PROX1: variants seen among roughly 807,000 people sequenced by gnomAD.
PROX1 encodes prospero homeobox protein 1.
A neutral mutation model predicts 58.8 loss-of-function variants in PROX1; 7 were observed. That is an observed-to-expected ratio of 0.12 (90% CI 0.07 to 0.22). The LOEUF is 0.22. Ranked by LOEUF, PROX1 falls within the 10% of genes least tolerant of loss-of-function variation. The pLI, the probability that PROX1 is intolerant of heterozygous loss-of-function variation, is 1.00. For synonymous variants in PROX1, 350 were observed against 358.3 expected (o/e 0.98, Z 0.26); for missense variants, 675 against 927.8 (o/e 0.73, Z 3.54).
chr1:213,994,728 G>A (rs931711548), intron 1 of PROX1, among the ~76,000 whole-genome samples: 5 of 123,106 alleles, frequency 4.1e-5, no homozygotes, highest in African/African-American at 9.1e-5. Context: ...CATGCAAAAA[G>A]TATTTCATTC....
At chr1:214,029,773 C>T (rs1241333427) in intron 4 of PROX1, 2 of 151,534 alleles carry the variant, frequency 1.3e-5, no homozygotes, top group Admixed American at 6.6e-5. Flanking sequence ...GGGGCTAGAT[C>T]GAGGGGTTTT....
At chr1:214,011,791 C>G (rs921460242) in intron 4 of PROX1, 76 bp downstream of exon 4, 2 of 1,294,840 alleles carry the variant, frequency 1.5e-6, no homozygotes, top group African/African-American at 3.0e-5. Context: ...GAAATGTACC[C>G]AAATCTGTTT....
chr1:213,983,502 C>T (rs1571785509), upstream of PROX1, among the ~76,000 whole-genome samples: 1 of 152,222 alleles, frequency 6.6e-6, no homozygotes, highest in South Asian at 2.1e-4. Flanking sequence ...CCCACTGCGC[C>T]CCCGCGTGCA....
intron 4 of PROX1, among the ~76,000 whole-genome samples, chr1:214,014,268 T>TAA: frequency 6.6e-6 from 1 of 152,364 alleles, no homozygotes; most frequent in East Asian, 1.9e-4. Flanking sequence ...CTTTTGTATT[T>TAA]AAGTTTCTCC....
At chr1:214,033,369 G>A (rs375779699) in intron 4 of PROX1, among the ~76,000 whole-genome samples, 29 of 152,258 alleles carry the variant, frequency 1.9e-4, no homozygotes, top group East Asian at 1.7e-3. Flanking sequence ...AGGCCAAGAC[G>A]GGCAGATCAC....
chr1:214,029,617 C>T (rs1664576321), intron 4 of PROX1: 1 of 152,180 alleles, frequency 6.6e-6, no homozygotes, highest in Non-Finnish European at 1.5e-5. Flanking sequence ...TTCAGAGCTG[C>T]TTCAGCATTA....
chr1:214,032,736 G>A (rs750681577), intron 4 of PROX1, among the ~76,000 whole-genome samples: 20 of 152,194 alleles, frequency 1.3e-4, no homozygotes, highest in Non-Finnish European at 2.6e-4. Context: ...AAGATACTCT[G>A]CTGAGGCTCC....
chr1:213,990,447 G>A (rs535766856), intron 1 of PROX1, among the ~76,000 whole-genome samples: 39 of 138,788 alleles, frequency 2.8e-4, no homozygotes, highest in Middle Eastern at 3.4e-3. Flanking sequence ...GGGGGTGGGG[G>A]CAAGTTGGTA....
chr1:213,983,937 C>G (rs116613999), upstream of PROX1: 5,475 of 152,406 alleles, frequency 0.036, 157 homozygotes, highest in Non-Finnish European at 0.046. Context: ...GCGGCCTGGC[C>G]GGTTCCTCGC....
chr1:214,014,149 C>T (rs1335934296), intron 4 of PROX1, among the ~76,000 whole-genome samples: 1 of 152,160 alleles, frequency 6.6e-6, no homozygotes, highest in Non-Finnish European at 1.5e-5. Context: ...CTTAAAAAGC[C>T]ACCGTTCTTA....
At chr1:214,031,261 G>A (rs753250419) in intron 4 of PROX1, among the ~76,000 whole-genome samples, 9 of 152,128 alleles carry the variant, frequency 5.9e-5, no homozygotes, top group Non-Finnish European at 1.2e-4. Flanking sequence ...ATATCTTCAA[G>A]TACCTCATTA....
intron 3 of PROX1, 127 bp from the exon 4 acceptor site, chr1:214,011,394 G>A (rs1663904646): frequency 3.8e-6 from 3 of 783,658 alleles, no homozygotes. Context: ...CACCATTTTG[G>A]TGGAGTTAAA....
Position 214,005,290 on chromosome 1 carries a change from T to C in PROX1, c.1833+18T>C, listed in dbSNP as rs530160376. 1.1e-5 allele frequency: 17 copies of C among 1,571,032 alleles called. No homozygotes were observed. The South Asian group carries it at 1.5e-4, about 14-fold the overall frequency. On this transcript the variant is annotated intron_variant, in intron 3 of 4. Transcript: ENST00000366958. Reference sequence around the variant, plus strand: ...ACGTAAAGGTAGGGACTTTTTTTATTCTTAATTTTTTCATTTTCTATGCAT... The same window carrying C: ...ACGTAAAGGTAGGGACTTTTTTTATCCTTAATTTTTTCATTTTCTATGCAT...
At position 213,997,384 on chromosome 1, in the gene PROX1, C is replaced by G. The variant is rs921662667; in HGVS notation, c.849C>G (p.Ile283Met). The G allele has an allele frequency of 3.1e-6, 5 of 1,613,950 alleles. No homozygotes were observed. The highest frequency in any genetic ancestry group is 3.4e-6 in the Non-Finnish European group (4 of 1,180,002). The change falls in exon 2 of 5, where the codon ATC becomes ATG. Residue 283 changes from isoleucine to methionine, a missense_variant. This residue lies in a region of PROX1 where 403 missense variants were observed against 477.4 expected (regional missense o/e 0.84). Transcript: ENST00000366958. The surrounding 1 kb of genome is among the most constrained non-coding windows in gnomAD (Gnocchi z 7.1). Reference sequence around the variant, plus strand: ...CTGAAGACAGCATGCGCTCGGAGATCCTGGATGCCAGGGCCCAGGACTCTG... The same window carrying G: ...CTGAAGACAGCATGCGCTCGGAGATGCTGGATGCCAGGGCCCAGGACTCTG... ...NLSEDSMRSEILDARAQDSVG... is the reference protein window; with the variant it reads ...NLSEDSMRSEMLDARAQDSVG...
chr1:213,999,270 G>A (rs887743750), intron 2 of PROX1, among the ~76,000 whole-genome samples: 2 of 151,940 alleles, frequency 1.3e-5, no homozygotes, highest in African/African-American at 2.4e-5. Context: ...TCTTGTGGTC[G>A]TTGGTCTTTT....
chr1:214,008,205 C>A (rs1663784623), intron 3 of PROX1, among the ~76,000 whole-genome samples: 1 of 152,082 alleles, frequency 6.6e-6, no homozygotes, highest in Non-Finnish European at 1.5e-5. Context: ...GAATGTGCCA[C>A]CACGCCTGGC....
rs572651387 is a variant in PROX1 at position 213,991,627 on chromosome 1, C to A, written c.-68+3144C>A. ...TTGTGGGAAAAAAAAGTCATGCATA[C>A]ATAACATGCATCTTTGTTCTCACTT... On this transcript the variant is annotated intron_variant, in intron 1 of 4. Coordinates refer to ENST00000366958, the MANE Select transcript of PROX1 (RefSeq NM_001270616.2). Among the ~76,000 whole-genome samples, 220 of 152,318 alleles carry A rather than the reference C, an allele frequency of 1.4e-3. 2 individuals carry two copies. Among genetic ancestry groups the A allele is most frequent in the Middle Eastern group, 0.014 (4 of 294 alleles).
intron 1 of PROX1, among the ~76,000 whole-genome samples, chr1:213,991,141 A>T (rs1479343181): frequency 6.6e-6 from 1 of 152,226 alleles, no homozygotes; most frequent in Non-Finnish European, 1.5e-5. Context: ...ATGGACATGT[A>T]TATGTAATAG....
At position 213,996,631 on chromosome 1, in the gene PROX1, A is replaced by C. The variant is rs774479099; in HGVS notation, c.96A>C (p.Ala32=). ...GVKRTVGTAS[A]FFAKARATFF... ...AAAGGACGGTAGGGACAGCATCTGCATTTTTTGCTAAGGCAAGAGCAACGT... is the reference window on the plus strand; with the variant it reads ...AAAGGACGGTAGGGACAGCATCTGCCTTTTTTGCTAAGGCAAGAGCAACGT... Residue 32 remains alanine (A), a synonymous_variant, in exon 2 of 5, where the codon GCA becomes GCC. Coordinates refer to ENST00000366958, the MANE Select transcript of PROX1 (RefSeq NM_001270616.2). 2 of 1,614,160 alleles carry C rather than the reference A, an allele frequency of 1.2e-6. No homozygotes were observed. Among genetic ancestry groups the C allele is most frequent in the Admixed American group, 3.3e-5 (2 of 60,020 alleles).
Sources: allele counts gnomAD v4.1 joint callset (sites outside exome capture counted in the v4.1 genomes callset), GRCh38; gene constraint gnomAD v4.1.1; regional missense constraint gnomAD v4.1.1; non-coding constraint Gnocchi (gnomAD v3.1); transcripts MANE v1.5; gene names NCBI Gene and HGNC (gene_info 2026-07-23, HGNC 2026-07-21).